VIT: variants seen among roughly 807,000 people sequenced by gnomAD.
The protein encoded by VIT is vitrin.
A neutral mutation model predicts 78.0 loss-of-function variants in VIT; 99 were observed. The observed-to-expected ratio is 1.27, with a 90% CI of 1.08 to 1.50. The LOEUF (loss-of-function observed/expected upper bound fraction) is 1.50. VIT is among the 40% of genes most tolerant of loss of function. The pLI is 0.00. For synonymous variants in VIT, 374 were observed against 334.3 expected (o/e 1.12, Z -1.29); for missense variants, 1,126 against 875.3 (o/e 1.29, Z -3.61).
intron 15 of VIT, among the ~76,000 whole-genome samples, chr2:36,813,832 A>ATATC (rs1667370304): frequency 6.6e-6 from 1 of 152,144 alleles, no homozygotes; most frequent in Non-Finnish European, 1.5e-5. Context: ...TTGTCCCAAA[A>ATATC]TATCTTCCCC....
At chr2:36,734,974 G>T (rs1424447888) in intron 3 of VIT, among the ~76,000 whole-genome samples, 3 of 152,052 alleles carry the variant, frequency 2.0e-5, no homozygotes, top group African/African-American at 7.2e-5. Context: ...GACCAGCCTG[G>T]CCAACATGAT....
intron 9 of VIT, among the ~76,000 whole-genome samples, chr2:36,776,825 T>G (rs57279791): frequency 6.7e-6 from 1 of 150,138 alleles, no homozygotes; most frequent in East Asian, 2.0e-4. Flanking sequence ...GCGCGGTGGC[T>G]CACACCTGTA....
chr2:36,763,649 G>T (rs1669254582), intron 6 of VIT, among the ~76,000 whole-genome samples: 1 of 137,190 alleles, frequency 7.3e-6, no homozygotes, highest in Non-Finnish European at 1.5e-5. Flanking sequence ...GAGTGCAATG[G>T]CTCGATCTCG....
At chr2:36,753,463 A>C (rs898492103) in intron 4 of VIT, among the ~76,000 whole-genome samples, 6 of 152,216 alleles carry the variant, frequency 3.9e-5, no homozygotes, top group African/African-American at 1.4e-4. Context: ...TATAAGAAAT[A>C]TTTCCATTTT....
At chr2:36,812,106 G>A (rs965509790) in intron 15 of VIT, among the ~76,000 whole-genome samples, 9 of 152,222 alleles carry the variant, frequency 5.9e-5, no homozygotes, top group Admixed American at 2.0e-4. Context: ...ACACCTGGCA[G>A]CACTTTAAAG....
intron 2 of VIT, among the ~76,000 whole-genome samples, chr2:36,718,825 G>A (rs1558511800): frequency 6.6e-6 from 1 of 152,100 alleles, no homozygotes; most frequent in Non-Finnish European, 1.5e-5. Flanking sequence ...GCTTACTTTA[G>A]CAAACAAAAA....
intron 3 of VIT, among the ~76,000 whole-genome samples, chr2:36,737,069 A>G (rs889416233): frequency 1.3e-5 from 2 of 152,214 alleles, no homozygotes; most frequent in African/African-American, 4.8e-5. Context: ...ATAAAGCAAA[A>G]TGTGGTAAAT....
At chr2:36,787,320 A>G (rs371955413) in intron 12 of VIT, 44 bp downstream of exon 12, 73 of 1,583,606 alleles carry the variant, frequency 4.6e-5, no homozygotes, top group Non-Finnish European at 5.3e-5. Context: ...AAGTCATGCC[A>G]TGTGCTTAAT....
At chr2:36,741,410 T>G (rs1042574279) in intron 3 of VIT, among the ~76,000 whole-genome samples, 2 of 152,164 alleles carry the variant, frequency 1.3e-5, no homozygotes, top group Admixed American at 1.3e-4. Context: ...TGCTTAAGCC[T>G]GTGATCAAAC....
chr2:36,724,845 T>A (rs1273681368), intron 2 of VIT, among the ~76,000 whole-genome samples: 1 of 152,244 alleles, frequency 6.6e-6, no homozygotes, highest in Non-Finnish European at 1.5e-5. Context: ...CAAGAACAGT[T>A]TTTGGTTTTC....
chr2:36,705,733 TA>T (rs1435406661), intron 1 of VIT, among the ~76,000 whole-genome samples: 1 of 152,228 alleles, frequency 6.6e-6, no homozygotes, highest in African/African-American at 2.4e-5. Flanking sequence ...ATAGAATATT[TA>T]TGGGAAGTTC....
intron 12 of VIT, among the ~76,000 whole-genome samples, chr2:36,791,268 G>T (rs1378109891): frequency 3.3e-5 from 5 of 152,178 alleles, no homozygotes; most frequent in African/African-American, 1.2e-4. Context: ...CCCAACCTCA[G>T]CCCGTGGACT....
chr2:36,746,127 G>T (rs543256242), intron 4 of VIT, among the ~76,000 whole-genome samples: 1 of 152,244 alleles, frequency 6.6e-6, no homozygotes, highest in East Asian at 1.9e-4. Context: ...TGCATAGGTT[G>T]AACCAACCTT....
At chr2:36,715,239 C>T (rs180819803) in intron 1 of VIT, among the ~76,000 whole-genome samples, 143 of 152,194 alleles carry the variant, frequency 9.4e-4, no homozygotes, top group African/African-American at 3.3e-3. Flanking sequence ...TGAGTAAACA[C>T]ATTAAGATTT....
chr2:36,709,316 GT>G (rs1165763579), intron 1 of VIT, among the ~76,000 whole-genome samples: 1 of 152,180 alleles, frequency 6.6e-6, no homozygotes, highest in Non-Finnish European at 1.5e-5. Context: ...GCCTTGGAAA[GT>G]CCGTAACCTT....
Position 36,754,990 on chromosome 2 carries a change from G to A in VIT, c.345G>A (p.Gly115=). ...TTGCTGGACAGTCTGGTTACAAAGG[G>A]AGTTATTCCAACGGTGTCCAATCGT... The part of the protein sequence containing the change: ...RKVAGQSGYK[G]SYSNGVQSLS... Residue 115 remains glycine (G), a synonymous_variant, in exon 5 of 16, where the codon GGG becomes GGA. Coordinates refer to ENST00000379242, the MANE Select transcript of VIT (RefSeq NM_053276.4). 6.2e-7 allele frequency: 1 copy of A among 1,614,138 alleles called. No homozygotes were observed. Among genetic ancestry groups the A allele is most frequent in the South Asian group, 1.1e-5 (1 of 91,074 alleles).
chr2:36,697,274 T>C (rs1381254009), intron 1 of VIT, among the ~76,000 whole-genome samples: 6 of 152,262 alleles, frequency 3.9e-5, no homozygotes, highest in Admixed American at 3.9e-4. Context: ...GACATTTGTG[T>C]AGAATTTTAA....
chr2:36,743,247 C>G lies in VIT; in HGVS notation c.266C>G (p.Ala89Gly), dbSNP rs1667943991. 1 of 1,613,522 alleles carries G rather than the reference C, an allele frequency of 6.2e-7. No homozygotes were observed. The highest frequency in any genetic ancestry group is 8.5e-7 in the Non-Finnish European group (1 of 1,179,676). Residue 89 changes from alanine to glycine, a missense_variant, in exon 4 of 16, where the codon GCC becomes GGC. Ala to Gly is a moderately conservative substitution (Grantham distance 60). Transcript: ENST00000379242. ...TCCTACTCCAGTGTGTGTGGCGCTGCCGTACACAGGTGAGTGGTTCTGAGC... is the reference window on the plus strand; with the variant it reads ...TCCTACTCCAGTGTGTGTGGCGCTGGCGTACACAGGTGAGTGGTTCTGAGC... ...YASYSSVCGA[A>G]VHSGVLDNSG...
chr2:36,729,641 T>A (rs1667073899), intron 3 of VIT, 150 bp downstream of exon 3: 1 of 774,448 alleles, frequency 1.3e-6, no homozygotes. Context: ...ATAAGTCTTA[T>A]CCCCTACCAC....
Sources: gnomAD v4.1 joint callset for allele counts (sites outside exome capture counted in the v4.1 genomes callset) on GRCh38, gnomAD v4.1.1 for gene constraint, MANE v1.5 for transcripts, NCBI Gene and HGNC (gene_info 2026-07-23, HGNC 2026-07-21) for gene names.